CDH6: variants seen among roughly 807,000 people sequenced by gnomAD.
CDH6 encodes the protein cadherin-6.
CDH6 carries 31 observed loss-of-function variants against 78.0 expected under a neutral mutation model. The ratio of observed to expected loss-of-function variants is 0.40; its 90% confidence interval spans 0.30 to 0.54. CDH6 has a LOEUF of 0.54. Among genes scored for constraint, CDH6 ranks in the 20% least tolerant of loss-of-function variants. The pLI, the probability that CDH6 is intolerant of heterozygous loss-of-function variation, is 0.56. For missense variants in CDH6, 724 were observed against 975.9 expected, an observed-to-expected ratio of 0.74 and a Z score of 3.44; for synonymous variants, 376 against 368.8, an observed-to-expected ratio of 1.02 and a Z score of -0.23.
chr5:31,204,791 C>A (rs1476041844), intron 1 of CDH6, among the ~76,000 whole-genome samples: 2 of 152,068 alleles, frequency 1.3e-5, no homozygotes, highest in Non-Finnish European at 2.9e-5. Context: ...TTGTAAAAGA[C>A]TTTAAAGCGA....
At chr5:31,296,190 A>G (rs1248395310) in intron 3 of CDH6, among the ~76,000 whole-genome samples, 1 of 152,198 alleles carries the variant, frequency 6.6e-6, no homozygotes, top group Non-Finnish European at 1.5e-5. Flanking sequence ...CCTTTCATGG[A>G]AAGGGGAACT....
intron 6 of CDH6, among the ~76,000 whole-genome samples, chr5:31,302,798 G>GAGAGAAAGAA (rs1282911479): frequency 5.5e-5 from 2 of 36,606 alleles, no homozygotes; most frequent in Non-Finnish European, 5.4e-5. Context: ...GAGAGAGAGA[G>GAGAGAAAGAA]AGAAAGAAAG....
At chr5:31,268,118 A>G (rs1457604216) in intron 2 of CDH6, among the ~76,000 whole-genome samples, 1 of 152,170 alleles carries the variant, frequency 6.6e-6, no homozygotes, top group Non-Finnish European at 1.5e-5. Flanking sequence ...CCTTTGGCCA[A>G]GTTCAAATTA....
intron 1 of CDH6, among the ~76,000 whole-genome samples, chr5:31,211,044 C>T (rs1740691250): frequency 6.6e-6 from 1 of 152,126 alleles, no homozygotes; most frequent in East Asian, 1.9e-4. Context: ...TTTGAAGGAC[C>T]TCTGTTCCTA....
intron 1 of CDH6, among the ~76,000 whole-genome samples, chr5:31,202,737 T>C (rs1740392578): frequency 6.6e-6 from 1 of 151,404 alleles, no homozygotes; most frequent in Non-Finnish European, 1.5e-5. Context: ...TATATACATA[T>C]ATGCGTGTAT....
intron 2 of CDH6, among the ~76,000 whole-genome samples, chr5:31,272,140 G>C (rs572747214): frequency 6.6e-6 from 1 of 152,252 alleles, no homozygotes; most frequent in South Asian, 2.1e-4. Context: ...AGACAGAGCC[G>C]GTGTTAGCTT....
In CDH6 at chr5:31,317,481, A is replaced by G. The variant is rs1195548075; in HGVS notation, c.1619A>G (p.Gln540Arg). Residue 540 changes from glutamine to arginine, a missense_variant, in exon 10 of 12, where the codon CAA becomes CGA. Gln to Arg is a conservative substitution (Grantham distance 43, BLOSUM62 1). This residue lies in a region of CDH6 where 446 missense variants were observed against 684.5 expected (regional missense o/e 0.65). Coordinates refer to ENST00000265071, the MANE Select transcript of CDH6 (RefSeq NM_004932.4). ...GCCAGTGGCTCAAACTTTACCATTC[A>G]AGACAACAAAGGTAAATGAGTTCAA... ...EAASGSNFTI[Q>R]DNKDNTAGIL... is the part of the protein sequence containing the mutation. The G allele has an allele frequency of 6.2e-7, 1 of 1,606,452 alleles. No homozygotes were observed. Among genetic ancestry groups the G allele is most frequent in the Admixed American group, 1.7e-5 (1 of 59,152 alleles).
At chr5:31,314,925 G>A (rs1263726317) in intron 8 of CDH6, among the ~76,000 whole-genome samples, 1 of 151,418 alleles carries the variant, frequency 6.6e-6, no homozygotes, top group Admixed American at 6.6e-5. Flanking sequence ...AGAATAATAT[G>A]AGTAAAATTT....
chr5:31,276,720 G>A (rs1742705940), intron 2 of CDH6, among the ~76,000 whole-genome samples: 1 of 152,134 alleles, frequency 6.6e-6, no homozygotes, highest in Non-Finnish European at 1.5e-5. Context: ...GACTGTCTAT[G>A]TTTCAGCCTC....
chr5:31,315,005 G>A (rs1369287275), intron 8 of CDH6, among the ~76,000 whole-genome samples: 6 of 152,134 alleles, frequency 3.9e-5, no homozygotes, highest in East Asian at 1.9e-4. Context: ...CCAAAAGCTT[G>A]TGTAAAACCA....
At chr5:31,297,457 T>C (rs777185405) in intron 4 of CDH6, 49 bp downstream of exon 4, 1 of 1,400,714 alleles carries the variant, frequency 7.1e-7, no homozygotes, top group Admixed American at 2.1e-5. Context: ...TTAATTGACA[T>C]GCTCAGCTGA....
intron 1 of CDH6, among the ~76,000 whole-genome samples, chr5:31,239,462 C>T (rs778416422): frequency 2.0e-5 from 3 of 152,152 alleles, no homozygotes; most frequent in East Asian, 3.9e-4. Flanking sequence ...TTTACTTCTC[C>T]GCTTATGTTT....
intron 1 of CDH6, among the ~76,000 whole-genome samples, chr5:31,262,462 A>C (rs1336370211): frequency 6.6e-6 from 1 of 152,210 alleles, no homozygotes; most frequent in African/African-American, 2.4e-5. Context: ...CTCACAAAAA[A>C]CTAAGATCCC....
Position 31,294,192 on chromosome 5 carries a change from T to C in CDH6, c.459T>C (p.Asn153=), listed in dbSNP as rs2149947719. The C allele has an allele frequency of 6.2e-7, 1 of 1,613,976 alleles. No homozygotes were observed. The change falls in exon 3 of 12, where the codon AAT becomes AAC. Residue 153 remains asparagine (N), a synonymous_variant. Coordinates refer to ENST00000265071, the MANE Select transcript of CDH6 (RefSeq NM_004932.4). The surrounding 1 kb of genome is among the most constrained non-coding windows in gnomAD (Gnocchi z 4.1). ...SEFIIKIHDI[N]DNEPIFTKEV... ...TCATCATCAAGATCCATGACATCAATGACAATGAACCAATATTCACCAAGG... is the reference window on the plus strand; with the variant it reads ...TCATCATCAAGATCCATGACATCAACGACAATGAACCAATATTCACCAAGG...
intron 1 of CDH6, among the ~76,000 whole-genome samples, chr5:31,208,535 G>A (rs561848840): frequency 2.0e-5 from 3 of 152,306 alleles, no homozygotes; most frequent in East Asian, 1.9e-4. Flanking sequence ...GTCTTATAGG[G>A]AAGTTGACAT....
At chr5:31,237,997 T>C (rs1741498009) in intron 1 of CDH6, among the ~76,000 whole-genome samples, 1 of 152,214 alleles carries the variant, frequency 6.6e-6, no homozygotes, top group South Asian at 2.1e-4. Flanking sequence ...ACCTAAAAGA[T>C]GGCCAATGGA....
chr5:31,213,770 C>T (rs73089319), intron 1 of CDH6, among the ~76,000 whole-genome samples: 1,564 of 152,136 alleles, frequency 0.01, 37 homozygotes, highest in African/African-American at 0.036. Flanking sequence ...GCCCTCTTCC[C>T]CTCACCCTCC....
rs1269267040 is a variant in CDH6 at position 31,294,944 on chromosome 5, C to T, written c.523+688C>T. On this transcript the variant is annotated intron_variant, in intron 3 of 11. Coordinates refer to ENST00000265071, the MANE Select transcript of CDH6 (RefSeq NM_004932.4). This position sits in a 1 kb window ranked among gnomAD's most constrained non-coding sequence, Gnocchi z 4.1. ...GAATTCTACTGACATCACTCTTAGC[C>T]ACATTGAAATACTTCATGGGAGACA... Among the ~76,000 whole-genome samples the T allele has an allele frequency of 6.6e-6, 1 of 152,076 alleles. No individual in the cohort carries two copies. Among genetic ancestry groups the T allele is most frequent in the Non-Finnish European group, 1.5e-5 (1 of 67,996 alleles).
At chr5:31,235,714 T>C (rs1741438228) in intron 1 of CDH6, among the ~76,000 whole-genome samples, 1 of 152,204 alleles carries the variant, frequency 6.6e-6, no homozygotes, top group Non-Finnish European at 1.5e-5. Context: ...ACAATCTCAT[T>C]TCCAAACATA....
Sources: allele counts gnomAD v4.1 joint callset (sites outside exome capture counted in the v4.1 genomes callset), GRCh38; gene constraint gnomAD v4.1.1; regional missense constraint gnomAD v4.1.1; non-coding constraint Gnocchi (gnomAD v3.1); transcripts MANE v1.5; gene names NCBI Gene and HGNC (gene_info 2026-07-23, HGNC 2026-07-21).